The following CYRIB variants were observed in gnomAD, a reference collection of about 807,000 sequenced individuals.
CYRIB encodes the protein CYFIP-related Rac1 interactor B.
A neutral mutation model predicts 44.2 loss-of-function variants in CYRIB; 8 were observed. That is an observed-to-expected ratio of 0.18 (90% CI 0.11 to 0.33). The LOEUF (loss-of-function observed/expected upper bound fraction) is 0.33. Among genes scored for constraint, CYRIB ranks in the 10% least tolerant of loss-of-function variants. CYRIB has a pLI of 1.00. For synonymous variants in CYRIB, 131 were observed against 127.2 expected, an observed-to-expected ratio of 1.03 and a Z score of -0.20; for missense variants, 185 against 382.8, an observed-to-expected ratio of 0.48 and a Z score of 4.31.
chr8:129,952,434 T>C (rs183714249), intron 2 of CYRIB, among the ~76,000 whole-genome samples: 2 of 152,166 alleles, frequency 1.3e-5, no homozygotes, highest in East Asian at 3.9e-4. Flanking sequence ...AAGTTATATA[T>C]AATAGAATGC....
intron 1 of CYRIB, among the ~76,000 whole-genome samples, chr8:129,934,675 C>G: frequency 6.6e-6 from 1 of 152,096 alleles, no homozygotes; most frequent in East Asian, 1.9e-4. Flanking sequence ...TTAAGAGGAC[C>G]CATTTAGGAT....
At chr8:129,935,580 G>A (rs1387039377) in intron 1 of CYRIB, among the ~76,000 whole-genome samples, 3 of 152,196 alleles carry the variant, frequency 2.0e-5, no homozygotes, top group African/African-American at 4.8e-5. Context: ...AACAGGCCAC[G>A]GCCCAGGGGT....
intron 1 of CYRIB, among the ~76,000 whole-genome samples, chr8:130,003,234 T>C (rs1317585117): frequency 2.0e-5 from 3 of 152,146 alleles, no homozygotes; most frequent in Admixed American, 6.5e-5. Context: ...AACAACAACA[T>C]AAAGCTGAGC....
intron 5 of CYRIB, 69 bp from the exon 8 acceptor site, chr8:129,855,816 A>G (rs1172821018): frequency 1.5e-6 from 2 of 1,366,604 alleles, no homozygotes; most frequent in East Asian, 4.8e-5. Flanking sequence ...TTAAAAAGTG[A>G]ACAATTCATA....
chr8:129,973,790 G>A (rs1039109366), intron 1 of CYRIB, among the ~76,000 whole-genome samples: 2 of 152,248 alleles, frequency 1.3e-5, no homozygotes, highest in Non-Finnish European at 2.9e-5. Context: ...GTGAGACCCT[G>A]TCTCTATAAA....
chr8:129,991,943 C>CAAAAAAAAA (rs35897320), intron 1 of CYRIB, among the ~76,000 whole-genome samples: 7 of 19,206 alleles, frequency 3.6e-4, no homozygotes, highest in Admixed American at 1.1e-3. Context: ...AGCAGAGTCG[C>CAAAAAAAAA]AAAAAAAAAA....
intron 5 of CYRIB, among the ~76,000 whole-genome samples, chr8:129,860,957 C>T (rs2049089003): frequency 6.6e-6 from 1 of 151,948 alleles, no homozygotes; most frequent in African/African-American, 2.4e-5. Flanking sequence ...CAAATCACAT[C>T]TCTCAAGTCT....
chr8:129,877,489 A>G (rs1168439651), intron 3 of CYRIB, among the ~76,000 whole-genome samples: 1 of 152,084 alleles, frequency 6.6e-6, no homozygotes, highest in African/African-American at 2.4e-5. Context: ...CTCTACCAAA[A>G]ATATGAAAAA....
At chr8:129,970,118 CACCAAGCTGTACGATTAAG>C (rs2132132932) in intron 2 of CYRIB, among the ~76,000 whole-genome samples, 1 of 152,282 alleles carries the variant, frequency 6.6e-6, no homozygotes, top group African/African-American at 2.4e-5. Flanking sequence ...ATCAAAATTT[CACCAAGCTGTACGATTAAG>C]ATTTGTGCAT....
At chr8:129,943,813 A>T (rs2093931367), upstream of CYRIB, among the ~76,000 whole-genome samples, 1 of 148,514 alleles carries the variant, frequency 6.7e-6, no homozygotes, top group Non-Finnish European at 1.5e-5. Flanking sequence ...GTTAGCCAGG[A>T]TGGTCTCGAT....
At chr8:129,886,766 AC>A (rs1284877058) in intron 2 of CYRIB, among the ~76,000 whole-genome samples, 1 of 151,398 alleles carries the variant, frequency 6.6e-6, no homozygotes, top group African/African-American at 2.4e-5. Flanking sequence ...CCTCCTCAAC[AC>A]ACTTTTATCA....
chr8:129,972,837 T>G (rs1330653933), intron 1 of CYRIB, among the ~76,000 whole-genome samples: 2 of 152,116 alleles, frequency 1.3e-5, no homozygotes, highest in Non-Finnish European at 2.9e-5. Context: ...AGAAGTAACA[T>G]GGGCCTCTAA....
intron 1 of CYRIB, among the ~76,000 whole-genome samples, chr8:130,005,770 G>GA (rs2097044456): frequency 6.7e-6 from 1 of 149,514 alleles, no homozygotes; most frequent in Admixed American, 6.7e-5. Flanking sequence ...TTGAGCTCAA[G>GA]AGTTCAAGAT....
chr8:129,969,086 T>C (rs2095597217), intron 2 of CYRIB, among the ~76,000 whole-genome samples: 1 of 147,414 alleles, frequency 6.8e-6, no homozygotes, highest in South Asian at 2.2e-4. Flanking sequence ...TAATCTCTGC[T>C]CACTGCAACT....
intron 2 of CYRIB, among the ~76,000 whole-genome samples, chr8:129,891,122 G>A (rs190177257): frequency 4.6e-4 from 70 of 152,270 alleles, no homozygotes; most frequent in African/African-American, 1.6e-3. Context: ...TCAAAGGTCT[G>A]AGACTCCAGG....
intron 2 of CYRIB, among the ~76,000 whole-genome samples, chr8:129,900,336 C>T (rs576765016): frequency 5.3e-5 from 8 of 152,286 alleles, no homozygotes; most frequent in Non-Finnish European, 7.3e-5. Context: ...ACGAAAGTCA[C>T]GTTCCCAACT....
intron 1 of CYRIB, among the ~76,000 whole-genome samples, chr8:129,979,625 T>C (rs1158928106): frequency 6.6e-6 from 1 of 151,974 alleles, no homozygotes; most frequent in African/African-American, 2.4e-5. Flanking sequence ...CTATTAATTA[T>C]CATTTCCCAG....
chr8:129,869,459 A>AT (rs1416802395), intron 4 of CYRIB, among the ~76,000 whole-genome samples: 1 of 151,988 alleles, frequency 6.6e-6, no homozygotes, highest in African/African-American at 2.4e-5. Flanking sequence ...TTTTCTCTTC[A>AT]TAACAACAAG....
At chr8:129,960,741 G>T (rs935606565) in intron 2 of CYRIB, among the ~76,000 whole-genome samples, 2 of 150,414 alleles carry the variant, frequency 1.3e-5, no homozygotes, top group African/African-American at 4.9e-5. Context: ...CACAAGGTCA[G>T]GAGTTCGAGA....
Sources: gnomAD v4.1 joint callset for allele counts (sites outside exome capture counted in the v4.1 genomes callset) on GRCh38, gnomAD v4.1.1 for gene constraint, MANE v1.5 for transcripts, NCBI Gene and HGNC (gene_info 2026-07-23, HGNC 2026-07-21) for gene names.